Variants in GSDME observed in about 807,000 individuals in gnomAD.
The protein encoded by GSDME is gasdermin E.
GSDME carries 44 observed loss-of-function variants against 47.5 expected under a neutral mutation model. The observed-to-expected ratio is 0.93, with a 90% CI of 0.73 to 1.19. GSDME has a LOEUF of 1.19. GSDME is among the 50% of genes most tolerant of loss of function. GSDME has a pLI of 0.00. For missense variants in GSDME, 663 were observed against 604.2 expected, an observed-to-expected ratio of 1.10 and a Z score of -1.02; for synonymous variants, 258 against 252.8, an observed-to-expected ratio of 1.02 and a Z score of -0.20.
chr7:24,794,229 C>T, the GSDME span, among the ~76,000 whole-genome samples: 1 of 151,618 alleles, frequency 6.6e-6, no homozygotes, highest in Non-Finnish European at 1.5e-5. Flanking sequence ...TTTGTCTCTT[C>T]CTGTCTCTCT....
chr7:24,782,223 C>A, the GSDME span, among the ~76,000 whole-genome samples: 10 of 131,366 alleles, frequency 7.6e-5, no homozygotes, highest in East Asian at 2.3e-3. Flanking sequence ...CCCCTCCCCC[C>A]ACCCCACAAC....
rs1020687740 is a variant in GSDME, at chr7:24,744,168, C to T, written c.404+394G>A. On this transcript the variant is annotated intron_variant, in intron 3 of 9. Transcript: ENST00000645220. The surrounding 1 kb of genome is among the most constrained non-coding windows in gnomAD (Gnocchi z 4.5). ...TCTTATTTTTGAACTTTTTTACGCG[C>T]CTCTCACTTGCTTTCTTCTTTTTTT... 2 of 228,434 alleles carry T rather than the reference C, an allele frequency of 8.8e-6. No individual in the cohort carries two copies. Among genetic ancestry groups the T allele is most frequent in the African/African-American group, 4.6e-5 (2 of 43,118 alleles). 14.2% of individuals were successfully genotyped at this position (228,434 alleles called of 1,614,324 possible). A position where few individuals can be genotyped will look rare whatever the true frequency, so the allele number is the denominator to read the frequency against.
chr7:24,785,617 G>A, the GSDME span, among the ~76,000 whole-genome samples: 31 of 152,186 alleles, frequency 2.0e-4, 1 homozygote, highest in Admixed American at 7.9e-4. Context: ...CACCATGCCC[G>A]GCTAATTTTT....
intron 8 of GSDME, chr7:24,703,550 A>G (rs2128046428): frequency 6.5e-6 from 1 of 153,854 alleles, no homozygotes; most frequent in East Asian, 1.9e-4. Flanking sequence ...TGGGGGTACA[A>G]GCTTTGAGCT....
chr7:24,777,016 T>C, the GSDME span, among the ~76,000 whole-genome samples: 1 of 152,116 alleles, frequency 6.6e-6, no homozygotes, highest in Admixed American at 6.5e-5. Context: ...ATATAATTGT[T>C]ATATTCACTG....
chr7:24,782,183 G>A, the GSDME span, among the ~76,000 whole-genome samples: 14 of 151,650 alleles, frequency 9.2e-5, no homozygotes, highest in Middle Eastern at 3.4e-3. Flanking sequence ...CGTCATTTAC[G>A]TTAGGTATAT....
chr7:24,776,924 G>A, the GSDME span, among the ~76,000 whole-genome samples: 3 of 151,954 alleles, frequency 2.0e-5, no homozygotes, highest in Non-Finnish European at 4.4e-5. Flanking sequence ...TGTTTTCTTG[G>A]GGTGGTGTGA....
chr7:24,781,929 A>G, the GSDME span, among the ~76,000 whole-genome samples: 1 of 152,058 alleles, frequency 6.6e-6, no homozygotes, highest in African/African-American at 2.4e-5. Flanking sequence ...TGTTTTCTGT[A>G]GAAAGGATGT....
Position 24,728,859 on chromosome 7 carries a change from G to A in GSDME, c.405-9641C>T, listed in dbSNP as rs1334039382. ...TGGGCCTCCACTTCCAACACAGTGA[G>A]ATAAGCCCTGCTCTTTCTCTCTCTG... On this transcript the variant is annotated intron_variant, in intron 3 of 9. Coordinates refer to ENST00000645220, the MANE Select transcript of GSDME (RefSeq NM_001127453.2). This position sits in a 1 kb window ranked among gnomAD's most constrained non-coding sequence, Gnocchi z 7.2. Among the ~76,000 whole-genome samples the A allele has an allele frequency of 6.6e-6, 1 of 152,220 alleles. No homozygotes were observed. The highest frequency in any genetic ancestry group is 2.4e-5 in the African/African-American group (1 of 41,462).
chr7:24,712,326 T>G lies in GSDME; in HGVS notation c.698-1938A>C, dbSNP rs1789387263. On this transcript the variant is annotated intron_variant, in intron 5 of 9. Coordinates refer to ENST00000645220, the MANE Select transcript of GSDME (RefSeq NM_001127453.2). This position sits in a 1 kb window ranked among gnomAD's most constrained non-coding sequence, Gnocchi z 4.4. ...TGACCATTCACACAGCCTCAAATTC[T>G]GCCAGAAGCCCTGCCAGGTCCCCAA... Among the ~76,000 whole-genome samples, 1 of 152,190 alleles carries G rather than the reference T, an allele frequency of 6.6e-6. No individual in the cohort carries two copies. The highest frequency in any genetic ancestry group is 6.5e-5 in the Admixed American group (1 of 15,282).
chr7:24,723,797 T>A (rs1436692705), intron 3 of GSDME, among the ~76,000 whole-genome samples: 1 of 152,238 alleles, frequency 6.6e-6, no homozygotes, highest in Admixed American at 6.5e-5. Flanking sequence ...TGTATTGCTA[T>A]GTTCATTTCT....
At position 24,702,190 on chromosome 7, in the gene GSDME, C is replaced by G. The variant is rs530915959; in HGVS notation, c.1257+570G>C. On this transcript the variant is annotated intron_variant, in intron 9 of 9. Transcript: ENST00000645220. Reference sequence around the variant, plus strand: ...TGGTTCTTTCTACTAATGGCTCAATCTATAATTTAAAAAGGAAAAGCTTAA... The same window carrying G: ...TGGTTCTTTCTACTAATGGCTCAATGTATAATTTAAAAAGGAAAAGCTTAA... Among the ~76,000 whole-genome samples the G allele has an allele frequency of 6.6e-5, 10 of 152,348 alleles. No individual in the cohort carries two copies. In the South Asian group the frequency reaches 8.3e-4, roughly 13 times the overall value.
At chr7:24,775,545 T>C in the GSDME span, among the ~76,000 whole-genome samples, 1 of 152,118 alleles carries the variant, frequency 6.6e-6, no homozygotes, top group Non-Finnish European at 1.5e-5. Flanking sequence ...CCTCCTTCCC[T>C]ACCTGCCTGC....
intron 1 of GSDME, among the ~76,000 whole-genome samples, chr7:24,753,004 T>C (rs2128067317): frequency 6.6e-6 from 1 of 152,104 alleles, no homozygotes; most frequent in African/African-American, 2.4e-5. Context: ...TTTTTTTTTT[T>C]CCATCTAACA....
At chr7:24,709,889 G>A (rs1331905939) in intron 6 of GSDME, among the ~76,000 whole-genome samples, 3 of 151,910 alleles carry the variant, frequency 2.0e-5, no homozygotes, top group Non-Finnish European at 4.4e-5. Context: ...CGCGGCTGAT[G>A]AGCCATTCTT....
At chr7:24,730,159 G>T (rs1405307297) in intron 3 of GSDME, among the ~76,000 whole-genome samples, 2 of 152,168 alleles carry the variant, frequency 1.3e-5, no homozygotes, top group Non-Finnish European at 2.9e-5. Flanking sequence ...GAGTCTCTGT[G>T]TCAAACACTA....
chr7:24,731,405 C>T (rs1790140646), intron 3 of GSDME, among the ~76,000 whole-genome samples: 1 of 152,366 alleles, frequency 6.6e-6, no homozygotes, highest in Middle Eastern at 3.4e-3. Flanking sequence ...TGGTCAGTCG[C>T]TCCACGGTGG....
chr7:24,737,659 A>G (rs1790352910), intron 3 of GSDME, among the ~76,000 whole-genome samples: 1 of 151,048 alleles, frequency 6.6e-6, no homozygotes, highest in South Asian at 2.1e-4. Flanking sequence ...CAAGGCCAGT[A>G]TTACCCTGAT....
At chr7:24,790,104 T>C in the GSDME span, among the ~76,000 whole-genome samples, 1 of 152,218 alleles carries the variant, frequency 6.6e-6, no homozygotes, top group African/African-American at 2.4e-5. The surrounding 1 kb of genome is among the most constrained non-coding windows in gnomAD (Gnocchi z 4.1). Flanking sequence ...TACTTGCCCT[T>C]GATCATCTAT....
Sources: gnomAD v4.1 joint callset for allele counts (sites outside exome capture counted in the v4.1 genomes callset) on GRCh38, gnomAD v4.1.1 for gene constraint, Gnocchi (gnomAD v3.1) non-coding constraint, MANE v1.5 for transcripts, NCBI Gene and HGNC (gene_info 2026-07-23, HGNC 2026-07-21) for gene names.